The following CSMD1 variants were observed in gnomAD, a reference collection of about 807,000 sequenced individuals.
CSMD1 encodes CUB and sushi domain-containing protein 1.
In CSMD1, 213 loss-of-function variants were observed where a neutral mutation model predicts 417.5. That is an observed-to-expected ratio of 0.51 (90% CI 0.46 to 0.57). CSMD1 has a LOEUF of 0.57. CSMD1 is among the 20% of genes least tolerant of loss of function. The pLI is 0.00. For missense variants in CSMD1, 6,923 were observed against 4,529.7 expected (o/e 1.53, Z -15.17); for synonymous variants, 2,862 against 1,736.8 (o/e 1.65, Z -16.11).
intron 2 of CSMD1, among the ~76,000 whole-genome samples, chr8:4,495,241 T>C: frequency 6.6e-6 from 1 of 152,192 alleles, no homozygotes. Flanking sequence ...GGAAACTACC[T>C]GAAAACTATA....
chr8:4,026,196 A>T (rs928557957), intron 4 of CSMD1, among the ~76,000 whole-genome samples: 4 of 152,194 alleles, frequency 2.6e-5, no homozygotes, highest in Non-Finnish European at 5.9e-5. Context: ...TTTTCTTTAT[A>T]ATCTAGTTAT....
intron 4 of CSMD1, among the ~76,000 whole-genome samples, chr8:4,008,769 C>T (rs909921785): frequency 6.6e-6 from 1 of 151,778 alleles, no homozygotes; most frequent in East Asian, 1.9e-4. Context: ...CGGCACCACG[C>T]CTGGCTAATT....
chr8:3,033,942 G>A (rs1164327656), intron 50 of CSMD1, among the ~76,000 whole-genome samples: 2 of 152,134 alleles, frequency 1.3e-5, no homozygotes, highest in Non-Finnish European at 2.9e-5. Context: ...GCTCATCACA[G>A]CAGCCTTGCT....
intron 2 of CSMD1, among the ~76,000 whole-genome samples, chr8:4,499,271 A>T (rs1343634621): frequency 2.0e-5 from 3 of 152,226 alleles, no homozygotes; most frequent in African/African-American, 7.2e-5. Context: ...GGAAAGAAGA[A>T]AGCAGCCCAG....
chr8:4,280,124 C>G (rs933297571), intron 3 of CSMD1, among the ~76,000 whole-genome samples: 1 of 152,212 alleles, frequency 6.6e-6, no homozygotes, highest in Non-Finnish European at 1.5e-5. Flanking sequence ...ACACCGTACA[C>G]TTCAAATGTA....
At chr8:3,383,482 C>G (rs536001114) in intron 18 of CSMD1, among the ~76,000 whole-genome samples, 1 of 152,032 alleles carries the variant, frequency 6.6e-6, no homozygotes, top group Non-Finnish European at 1.5e-5. Context: ...TGGAGGGAAG[C>G]CTTCTTCCAC....
At chr8:3,149,033 A>C (rs909126053) in intron 40 of CSMD1, among the ~76,000 whole-genome samples, 1 of 152,130 alleles carries the variant, frequency 6.6e-6, no homozygotes, top group Non-Finnish European at 1.5e-5. Flanking sequence ...GCAATATCCA[A>C]TTTTTTTAAG....
intron 1 of CSMD1, among the ~76,000 whole-genome samples, chr8:4,778,916 G>A (rs897650531): frequency 6.6e-6 from 1 of 152,154 alleles, no homozygotes; most frequent in Non-Finnish European, 1.5e-5. Context: ...TACAATATAT[G>A]GAAGCAACCT....
At chr8:4,717,224 C>A (rs1808713114) in intron 1 of CSMD1, among the ~76,000 whole-genome samples, 3 of 151,224 alleles carry the variant, frequency 2.0e-5, no homozygotes, top group South Asian at 2.1e-4. Flanking sequence ...GTTCCAAATA[C>A]ATAACATAGC....
At position 4,545,604 on chromosome 8, in the gene CSMD1, G is replaced by C. The variant is rs561736901; in HGVS notation, c.302+91738C>G. On this transcript the variant is annotated intron_variant, in intron 2 of 69. Coordinates refer to ENST00000635120, the MANE Select transcript of CSMD1 (RefSeq NM_033225.6). The stretch of plus-strand genomic sequence containing the variant: ...AGTGATACTGGCAACAGAAGCCCTG[G>C]CTAGAGAAAAAGTGGTTGGCTGGTT... 2.2e-4 allele frequency among the ~76,000 whole-genome samples: 34 copies of C among 152,270 alleles called. No individual in the cohort carries two copies. In the East Asian group the frequency reaches 6.4e-3, roughly 28 times the overall value.
chr8:3,949,842 A>G, intron 5 of CSMD1: 1 of 450,620 alleles, frequency 2.2e-6, no homozygotes, highest in Non-Finnish European at 4.5e-6. Context: ...TCATTGATTG[A>G]GGGGATCCCT....
chr8:4,207,707 G>T (rs1563274330), intron 3 of CSMD1, among the ~76,000 whole-genome samples: 1 of 152,052 alleles, frequency 6.6e-6, no homozygotes, highest in Non-Finnish European at 1.5e-5. Context: ...ACATTTTTCT[G>T]ATGAGTGTAT....
rs1300890470 is a variant in CSMD1 at position 3,928,524 on chromosome 8, G to A, written c.818+69379C>T. Among the ~76,000 whole-genome samples, 4 of 135,822 alleles carry A rather than the reference G, an allele frequency of 2.9e-5. No homozygotes were observed. In the East Asian group the frequency reaches 6.4e-4, roughly 22 times the overall value. 89.1% of individuals were successfully genotyped at this position (135,822 alleles called of 152,430 possible). ...GGGGCACTGCCCAGCTGCATTCACA[G>A]GTTTCACGGCCGTTTGTAGGCTTCG... On this transcript the variant is annotated intron_variant, in intron 5 of 69. Coordinates refer to ENST00000635120, the MANE Select transcript of CSMD1 (RefSeq NM_033225.6).
chr8:3,650,433 T>C (rs1478720247), intron 7 of CSMD1, among the ~76,000 whole-genome samples: 1 of 152,114 alleles, frequency 6.6e-6, no homozygotes, highest in Non-Finnish European at 1.5e-5. Context: ...ATAAATACTA[T>C]GAATAGGAAA....
intron 5 of CSMD1, among the ~76,000 whole-genome samples, chr8:3,834,886 C>T (rs187860057): frequency 1.3e-5 from 2 of 151,954 alleles, no homozygotes; most frequent in Non-Finnish European, 2.9e-5. Flanking sequence ...AAACAAACAA[C>T]CCCATCAAAA....
intron 6 of CSMD1, among the ~76,000 whole-genome samples, chr8:3,748,405 A>T (rs998386898): frequency 2.0e-5 from 3 of 152,314 alleles, no homozygotes; most frequent in Non-Finnish European, 4.4e-5. Context: ...ACTGCCATGG[A>T]AACAGGCAGG....
At chr8:4,408,372 G>A (rs544293647) in intron 3 of CSMD1, among the ~76,000 whole-genome samples, 3 of 152,114 alleles carry the variant, frequency 2.0e-5, no homozygotes, top group African/African-American at 7.2e-5. Context: ...ATCCTCTACT[G>A]TCAAAAAAGA....
chr8:4,922,810 C>T (rs560029989), intron 1 of CSMD1, among the ~76,000 whole-genome samples: 20 of 152,318 alleles, frequency 1.3e-4, no homozygotes, highest in African/African-American at 4.8e-4. Context: ...TTTCCTTCTA[C>T]ACAGGGAAAT....
Position 3,951,215 on chromosome 8 carries a change from G to A in CSMD1, c.818+46688C>T, listed in dbSNP as rs144109664. Among the ~76,000 whole-genome samples, 9 of 152,240 alleles carry A rather than the reference G, an allele frequency of 5.9e-5. No homozygotes were observed. The East Asian group carries it at 1.5e-3, about 26-fold the overall frequency. ...ACAAGACCTGTATAGGTAGTTTGTG[G>A]GGACTGCACAGGCGGGCACGGGTCT... On this transcript the variant is annotated intron_variant, in intron 5 of 69. Transcript: ENST00000635120.
Sources: allele counts gnomAD v4.1 joint callset (sites outside exome capture counted in the v4.1 genomes callset), GRCh38; gene constraint gnomAD v4.1.1; transcripts MANE v1.5; gene names NCBI Gene and HGNC (gene_info 2026-07-23, HGNC 2026-07-21).